The following ZNF578 variants were observed in gnomAD, a reference collection of about 807,000 sequenced individuals.
The protein encoded by ZNF578 is Putative chemokine-related protein B42.
Under a neutral mutation model 8.3 loss-of-function variants are expected in ZNF578, and 8 were observed. The observed-to-expected ratio is 0.96, with a 90% CI of 0.56 to 1.74. The LOEUF is 1.74. Among genes scored for constraint, ZNF578 ranks in the 40% most tolerant of loss-of-function variants. ZNF578 has a pLI of 0.00. For synonymous variants in ZNF578, 206 were observed against 232.2 expected (o/e 0.89, Z 1.03); for missense variants, 726 against 707.5 (o/e 1.03, Z -0.30).
chr19:52,489,907 C>T (rs1190741024), intron 2 of ZNF578, among the ~76,000 whole-genome samples: 1 of 152,114 alleles, frequency 6.6e-6, no homozygotes. Flanking sequence ...CTGCCCGCCT[C>T]GGCCTCCCAA....
intron 4 of ZNF578, among the ~76,000 whole-genome samples, chr19:52,502,168 C>G (rs10410820): frequency 0.19 from 28,900 of 151,934 alleles, 2,975 homozygotes; most frequent in Non-Finnish European, 0.23. Flanking sequence ...GGCTCACACC[C>G]AGACATGGAT....
intron 2 of ZNF578, among the ~76,000 whole-genome samples, chr19:52,479,658 T>C (rs900157796): frequency 1.1e-4 from 16 of 152,126 alleles, no homozygotes; most frequent in African/African-American, 3.6e-4. Flanking sequence ...AGTTTTACCA[T>C]TGTGTCAGTA....
chr19:52,455,193 C>CTTTTTTTTTTTT (rs10607252), intron 1 of ZNF578: 13 of 98,368 alleles, frequency 1.3e-4, no homozygotes, highest in African/African-American at 4.7e-4. Context: ...GCCTTTCTAT[C>CTTTTTTTTTTTT]TTTTTTTTTT....
In ZNF578 at chr19:52,516,518, C is replaced by T. The variant is rs1234357830; in HGVS notation, c.*4364C>T. ...GGCCTCTGAGCCCAAGCTAAGCCATCGTATCCCCTGTCACCTGCACGTATA... is the reference window on the plus strand; with the variant it reads ...GGCCTCTGAGCCCAAGCTAAGCCATTGTATCCCCTGTCACCTGCACGTATA... On this transcript the variant is annotated 3_prime_UTR_variant, in exon 6 of 6. Transcript: ENST00000421239. 6.6e-6 allele frequency among the ~76,000 whole-genome samples: 1 copy of T among 152,220 alleles called. No homozygotes were observed. Among genetic ancestry groups the T allele is most frequent in the Non-Finnish European group, 1.5e-5 (1 of 68,038 alleles).
rs1319769814 is a variant in ZNF578, at chr19:52,513,589, G to A, written c.*1435G>A. On this transcript the variant is annotated 3_prime_UTR_variant, in exon 6 of 6. Coordinates refer to ENST00000421239, the MANE Select transcript of ZNF578 (RefSeq NM_001099694.2). ...ACTAAAAATACAAAAACTTAGCCGG[G>A]CATGGTGGTGGGCACCTGTAGTCTC... is the stretch of plus-strand genomic sequence containing the variant. Among the ~76,000 whole-genome samples, 8 of 151,808 alleles carry A rather than the reference G, an allele frequency of 5.3e-5. No individual in the cohort carries two copies. Among genetic ancestry groups the A allele is most frequent in the Non-Finnish European group, 5.9e-5 (4 of 67,958 alleles).
intron 2 of ZNF578, among the ~76,000 whole-genome samples, chr19:52,463,658 T>A (rs1370305667): frequency 6.6e-6 from 1 of 152,198 alleles, no homozygotes; most frequent in Non-Finnish European, 1.5e-5. Flanking sequence ...ATTAAGGCAG[T>A]TTTAATATGC....
At position 52,511,226 on chromosome 19, in the gene ZNF578, C is replaced by T. The variant is rs1352162605; in HGVS notation, c.845C>T (p.Thr282Ile). 6.2e-7 allele frequency: 1 copy of T among 1,613,778 alleles called. No homozygotes were observed. Among genetic ancestry groups the T allele is most frequent in the South Asian group, 1.1e-5 (1 of 90,858 alleles). Residue 282 changes from threonine (T) to isoleucine (I), a missense_variant, in exon 6 of 6, where the codon ACT (threonine) becomes ATT (isoleucine). Transcript: ENST00000421239. ...CTTGCACGCCATCGTAGATGTCACA[C>T]TAGTGAGAAACCTTACAAGTGTAAT... ...RYLARHRRCH[T>I]SEKPYKCNEC...
chr19:52,488,688 G>A (rs562426077), intron 2 of ZNF578, among the ~76,000 whole-genome samples: 11 of 152,190 alleles, frequency 7.2e-5, no homozygotes, highest in African/African-American at 2.6e-4. Flanking sequence ...GGAGGCTGAG[G>A]CAGGAAAATT....
At chr19:52,481,933 A>G (rs993355016) in intron 2 of ZNF578, among the ~76,000 whole-genome samples, 3 of 152,002 alleles carry the variant, frequency 2.0e-5, no homozygotes, top group Admixed American at 6.6e-5. Flanking sequence ...GGGTTTCACT[A>G]TGTTTCCCAG....
intron 2 of ZNF578, among the ~76,000 whole-genome samples, chr19:52,485,540 TA>T (rs2059342568): frequency 6.6e-6 from 1 of 152,080 alleles, no homozygotes; most frequent in Admixed American, 6.5e-5. Flanking sequence ...GGCTGTCCTG[TA>T]GGGAAAGGAA....
At chr19:52,454,438 T>G (rs1034966473) in intron 1 of ZNF578, 1 of 152,224 alleles carries the variant, frequency 6.6e-6, no homozygotes, top group African/African-American at 2.4e-5. Flanking sequence ...ACTTCAGATG[T>G]CGGTTACAAG....
chr19:52,486,227 A>G (rs1345969500), intron 2 of ZNF578, among the ~76,000 whole-genome samples: 1 of 152,190 alleles, frequency 6.6e-6, no homozygotes, highest in Non-Finnish European at 1.5e-5. Flanking sequence ...TTTATGATGC[A>G]GAGACATTTG....
chr19:52,509,718 G>T (rs112996990), intron 5 of ZNF578, among the ~76,000 whole-genome samples: 2,766 of 152,230 alleles, frequency 0.018, 78 homozygotes, highest in African/African-American at 0.062. Flanking sequence ...AGTGAGCTGA[G>T]ATGGCACCAT....
At chr19:52,464,781 G>GGAT (rs1392755314) in intron 2 of ZNF578, among the ~76,000 whole-genome samples, 5 of 152,048 alleles carry the variant, frequency 3.3e-5, no homozygotes, top group Non-Finnish European at 7.4e-5. Flanking sequence ...ACATATCCTG[G>GGAT]GATAAAACCT....
chr19:52,511,360 A>T lies in ZNF578; in HGVS notation c.979A>T (p.Lys327Ter). ...CNECGKSFSY[K>*]SSLTCHHRCH... is the part of the protein sequence containing the mutation. Reference sequence around the variant, plus strand: ...TGAATGTGGAAAGTCCTTCAGTTACAAGTCATCCCTTACATGCCATCATAG... The same window carrying T: ...TGAATGTGGAAAGTCCTTCAGTTACTAGTCATCCCTTACATGCCATCATAG... Residue 327 changes from lysine to a stop codon, truncating the protein, a stop_gained, in exon 6 of 6, where the codon AAG becomes TAG. Coordinates refer to ENST00000421239, the MANE Select transcript of ZNF578 (RefSeq NM_001099694.2). LOFTEE classifies it low-confidence loss of function (END_TRUNC). The T allele has an allele frequency of 6.2e-7, 1 of 1,614,072 alleles. No individual in the cohort carries two copies. Among genetic ancestry groups the T allele is most frequent in the Non-Finnish European group, 8.5e-7 (1 of 1,179,962 alleles).
chr19:52,469,125 CCTGA>C (rs1177456317), intron 2 of ZNF578, among the ~76,000 whole-genome samples: 1 of 151,292 alleles, frequency 6.6e-6, no homozygotes, highest in Admixed American at 6.6e-5. Context: ...TATAGAGAAC[CCTGA>C]CTAATACAGA....
At chr19:52,475,679 CT>C (rs1265004499) in intron 2 of ZNF578, among the ~76,000 whole-genome samples, 1 of 152,154 alleles carries the variant, frequency 6.6e-6, no homozygotes, top group Non-Finnish European at 1.5e-5. Context: ...TTAATATCCC[CT>C]AATAGCTGTT....
chr19:52,463,627 T>C (rs1227810299), intron 2 of ZNF578, among the ~76,000 whole-genome samples: 1 of 152,210 alleles, frequency 6.6e-6, no homozygotes, highest in Non-Finnish European at 1.5e-5. Flanking sequence ...TTGATAAAGC[T>C]GTTCATCAAT....
intron 2 of ZNF578, among the ~76,000 whole-genome samples, chr19:52,482,108 G>A (rs1599602): frequency 0.068 from 10,324 of 152,078 alleles, 1,155 homozygotes; most frequent in African/African-American, 0.23. Flanking sequence ...ATCTCAGCTC[G>A]CCACAACCTC....
Sources: allele counts gnomAD v4.1 joint callset (sites outside exome capture counted in the v4.1 genomes callset), GRCh38; gene constraint gnomAD v4.1.1; transcripts MANE v1.5; gene names NCBI Gene and HGNC (gene_info 2026-07-23, HGNC 2026-07-21).